The following KCNG4 variants were observed in gnomAD, a reference collection of about 807,000 sequenced individuals.
KCNG4 encodes potassium voltage-gated channel modifier subfamily G member 4.
KCNG4 carries 30 observed loss-of-function variants against 28.2 expected under a neutral mutation model. The observed-to-expected ratio is 1.06, with a 90% CI of 0.80 to 1.44. KCNG4 has a LOEUF of 1.44. KCNG4 is among the 40% of genes most tolerant of loss of function. The probability of loss-of-function intolerance (pLI) is 0.00; values close to 1 mark genes in which losing one functional copy is unlikely to be tolerated. For missense variants in KCNG4, 879 were observed against 712.3 expected (o/e 1.23, Z -2.66); for synonymous variants, 375 against 315.5 (o/e 1.19, Z -2.00).
At chr16:84,227,710 C>G (rs1167490523) in intron 2 of KCNG4, among the ~76,000 whole-genome samples, 1 of 152,156 alleles carries the variant, frequency 6.6e-6, no homozygotes, top group East Asian at 1.9e-4. Flanking sequence ...AAAATGCGGC[C>G]TATTCATACA....
At chr16:84,231,976 C>A (rs1904837798) in intron 2 of KCNG4, among the ~76,000 whole-genome samples, 1 of 141,554 alleles carries the variant, frequency 7.1e-6, no homozygotes, top group African/African-American at 2.7e-5. Context: ...TGCACTCCAA[C>A]CTGGGTAACA....
At position 84,222,227 on chromosome 16, in the gene KCNG4, A is replaced by C; in HGVS notation, c.1550T>G (p.Met517Arg). Residue 517 changes from methionine (M) to arginine (R), a missense_variant, in exon 3 of 3, where the codon ATG becomes AGG. Met to Arg is a moderately conservative substitution (Grantham distance 91, BLOSUM62 -1). Transcript: ENST00000308251. ...ATGGGGGGTGCTGAGTTACATGTGCATGATAGGCAAGGCTGGGCCCTCCAG... is the reference window on the plus strand; with the variant it reads ...ATGGGGGGTGCTGAGTTACATGTGCCTGATAGGCAAGGCTGGGCCCTCCAG... The part of the protein sequence containing the change: ...LILEGPALPI[M>R]HM 1.2e-6 allele frequency: 2 copies of C among 1,614,068 alleles called. No homozygotes were observed. The highest frequency in any genetic ancestry group is 8.5e-7 in the Non-Finnish European group (1 of 1,180,012).
rs375864678 is a variant in KCNG4, at chr16:84,222,410, G to T, written c.1367C>A (p.Thr456Asn). Residue 456 changes from threonine to asparagine, a missense_variant, in exon 3 of 3, where the codon ACC (threonine) becomes AAC (asparagine). Physicochemically the swap from Thr to Asn is moderately conservative, Grantham distance 65. Transcript: ENST00000308251. ...MAFPATSIFHTFSHSYLELKK... is the reference protein window; with the variant it reads ...MAFPATSIFHNFSHSYLELKK... ...GAGCTCCAGGTAGGAGTGGGAGAAG[G>T]TGTGGAAGATAGACGTGGCCGGGAA... is the stretch of plus-strand genomic sequence containing the variant. 12 of 1,614,184 alleles carry T rather than the reference G, an allele frequency of 7.4e-6. No homozygotes were observed. The highest frequency in any genetic ancestry group is 1.1e-5 in the South Asian group (1 of 91,082).
intron 2 of KCNG4, among the ~76,000 whole-genome samples, chr16:84,228,483 A>C (rs1229998311): frequency 1.3e-5 from 2 of 151,390 alleles, no homozygotes; most frequent in African/African-American, 4.9e-5. Flanking sequence ...CCACTCCTTT[A>C]GCCACTTTTC....
rs1192508978 is a variant in KCNG4 at position 84,226,008 on chromosome 16, A to C, written c.757-2988T>G. On this transcript the variant is annotated intron_variant, in intron 2 of 2. Transcript: ENST00000308251. The surrounding 1 kb of genome is among the most constrained non-coding windows in gnomAD (Gnocchi z 4.1). The stretch of plus-strand genomic sequence containing the variant: ...AAAAGGGGAAAGAAGGAAAGAAAAA[A>C]GTTTTCCTTTCTCCCTTTGTGGAAG... 6.6e-6 allele frequency among the ~76,000 whole-genome samples: 1 copy of C among 152,212 alleles called. No individual in the cohort carries two copies. The highest frequency in any genetic ancestry group is 2.4e-5 in the African/African-American group (1 of 41,454).
Position 84,237,289 on chromosome 16 carries a change from C to T in KCNG4, c.197G>A (p.Gly66Glu), listed in dbSNP as rs1287202785. ...CCAGGGGAGGAGATACCTCCTGCCC[C>T]CCACGTTGATCAGGATCTCCTTCTT... Reference protein sequence around the residue: ...DLKKEILINVGGRRYLLPWST... With the variant: ...DLKKEILINVEGRRYLLPWST... The change falls in exon 2 of 3, where the codon GGG becomes GAG. Residue 66 changes from glycine to glutamate, a missense_variant. Transcript: ENST00000308251. 2.5e-6 allele frequency: 4 copies of T among 1,604,446 alleles called. No individual in the cohort carries two copies. Among genetic ancestry groups the T allele is most frequent in the African/African-American group, 2.7e-5 (2 of 74,686 alleles).
Position 84,222,811 on chromosome 16 carries a change from C to T in KCNG4, c.966G>A (p.Arg322=), listed in dbSNP as rs1159032012. 1.2e-6 allele frequency: 2 copies of T among 1,609,970 alleles called. No individual in the cohort carries two copies. Among genetic ancestry groups the T allele is most frequent in the Non-Finnish European group, 1.7e-6 (2 of 1,177,048 alleles). The change falls in exon 3 of 3, where the codon AGG becomes AGA. Residue 322 remains arginine (R), a synonymous_variant. Coordinates refer to ENST00000308251, the MANE Select transcript of KCNG4 (RefSeq NM_172347.3). ...VSEEPPEDGE[R]PSGSSYLEKV... ...TCTCCAGGTAGGAGCTCCCGCTCGG[C>T]CTCTCGCCGTCCTCCGGGGGCTCCT...
intron 2 of KCNG4, 184 bp downstream of exon 2, chr16:84,236,546 A>G: frequency 1.2e-6 from 1 of 866,254 alleles, no homozygotes; most frequent in Non-Finnish European, 1.7e-6. Flanking sequence ...CCAATAAAAA[A>G]AAAAAAGATG....
intron 2 of KCNG4, chr16:84,236,501 C>T (rs952361902): frequency 2.5e-5 from 15 of 588,496 alleles, no homozygotes; most frequent in African/African-American, 7.6e-5. Flanking sequence ...ATGATTTTCA[C>T]GGTGAGCCTT....
chr16:84,229,274 C>A (rs1040185995), intron 2 of KCNG4, among the ~76,000 whole-genome samples: 1 of 148,408 alleles, frequency 6.7e-6, no homozygotes, highest in African/African-American at 2.5e-5. Flanking sequence ...GCCTGGGCAA[C>A]AGAGCAAGAC....
Position 84,222,283 on chromosome 16 carries a change from AT to A in KCNG4, c.1493del (p.His498LeufsTer4). On this transcript the variant is annotated frameshift_variant, in exon 3 of 3. Coordinates refer to ENST00000308251, the MANE Select transcript of KCNG4 (RefSeq NM_172347.3). LOFTEE classifies it low-confidence loss of function (END_TRUNC). Reference sequence around the variant, plus strand: ...GGTCATTGACATCGTTCATGAGCTCATGTTCACTGGCCACATGGGGGTCCAG... The same window carrying A: ...GGTCATTGACATCGTTCATGAGCTCAGTTCACTGGCCACATGGGGGTCCAG... ...ELLDPHVASE[H>X]ELMNDVNDLI... is the part of the protein sequence containing the mutation. 6.2e-7 allele frequency: 1 copy of A among 1,614,188 alleles called. No individual in the cohort carries two copies. The highest frequency in any genetic ancestry group is 1.7e-5 in the Admixed American group (1 of 60,028).
At chr16:84,230,448 T>C (rs1001399860) in intron 2 of KCNG4, among the ~76,000 whole-genome samples, 4 of 136,000 alleles carry the variant, frequency 2.9e-5, no homozygotes, top group African/African-American at 1.1e-4. Flanking sequence ...GGTGGGCGCC[T>C]GTAGTCGCAG....
At position 84,222,740 on chromosome 16, in the gene KCNG4, T is replaced by C; in HGVS notation, c.1037A>G (p.Tyr346Cys). ...LRVLRALRILYVMRLARHSLG... is the reference protein window; with the variant it reads ...LRVLRALRILCVMRLARHSLG... ...CGAGTGGCGAGCCAGGCGCATCACG[T>C]AGAGGATGCGCAGCGCTCGCAGCAC... The change falls in exon 3 of 3, where the codon TAC becomes TGC. Residue 346 changes from tyrosine to cysteine, a missense_variant. Coordinates refer to ENST00000308251, the MANE Select transcript of KCNG4 (RefSeq NM_172347.3). The C allele has an allele frequency of 6.2e-7, 1 of 1,612,808 alleles. No homozygotes were observed. Among genetic ancestry groups the C allele is most frequent in the Non-Finnish European group, 8.5e-7 (1 of 1,179,494 alleles).
In KCNG4 at chr16:84,222,859, G is replaced by C; in HGVS notation, c.918C>G (p.Tyr306Ter). The part of the protein sequence containing the change: ...NIIDILAISP[Y>*]YVSLAVSEEP... ...CCTCAGACACCGCCAGCGACACGTA[G>C]TATGGGGAGATGGCCAGGATGTCGA... The change falls in exon 3 of 3, where the codon TAC becomes TAG. Residue 306 changes from tyrosine (Y) to a stop codon, truncating the protein, a stop_gained. Coordinates refer to ENST00000308251, the MANE Select transcript of KCNG4 (RefSeq NM_172347.3). LOFTEE classifies it high-confidence loss of function. 1.9e-6 allele frequency: 3 copies of C among 1,612,512 alleles called. No individual in the cohort carries two copies. The highest frequency in any genetic ancestry group is 1.7e-5 in the Admixed American group (1 of 59,932).
chr16:84,231,595 AG>A (rs1166038262), intron 2 of KCNG4, among the ~76,000 whole-genome samples: 1 of 152,176 alleles, frequency 6.6e-6, no homozygotes, highest in Non-Finnish European at 1.5e-5. Context: ...CAGGGCTGGA[AG>A]GGCACTAGGG....
At chr16:84,233,342 T>C (rs1227468349) in intron 2 of KCNG4, among the ~76,000 whole-genome samples, 1 of 152,214 alleles carries the variant, frequency 6.6e-6, no homozygotes, top group East Asian at 1.9e-4. Flanking sequence ...TTACAAAGTC[T>C]GGCTGCCTTA....
rs560693816 is a variant in KCNG4 at position 84,229,640 on chromosome 16, C to A, written c.757-6620G>T. ...CAGGCCCGGCCTGCAGGGGCCCTTC[C>A]TGAACGACTCATGAATGAGTGTGGG... On this transcript the variant is annotated intron_variant, in intron 2 of 2. Coordinates refer to ENST00000308251, the MANE Select transcript of KCNG4 (RefSeq NM_172347.3). 6.6e-5 allele frequency among the ~76,000 whole-genome samples: 10 copies of A among 152,338 alleles called. No homozygotes were observed. The South Asian group carries it at 2.1e-3, about 32-fold the overall frequency.
intron 2 of KCNG4, among the ~76,000 whole-genome samples, chr16:84,223,626 C>G (rs893415865): frequency 6.6e-6 from 1 of 152,142 alleles, no homozygotes; most frequent in African/African-American, 2.4e-5. Context: ...TATGAGCAGG[C>G]AGTGTGACCC....
chr16:84,223,122 T>C (rs920923247), intron 2 of KCNG4, 102 bp from the exon 3 acceptor site: 67 of 965,746 alleles, frequency 6.9e-5, no homozygotes, highest in Non-Finnish European at 4.1e-5. Flanking sequence ...GCTGTAAACT[T>C]AGTCGTCCAC....
Sources: gnomAD v4.1 joint callset for allele counts (sites outside exome capture counted in the v4.1 genomes callset) on GRCh38, gnomAD v4.1.1 for gene constraint, Gnocchi (gnomAD v3.1) non-coding constraint, MANE v1.5 for transcripts, NCBI Gene and HGNC (gene_info 2026-07-23, HGNC 2026-07-21) for gene names.